TXNDC11: variants seen among roughly 807,000 people sequenced by gnomAD.
TXNDC11 encodes the protein thioredoxin domain containing 11.
TXNDC11 carries 68 observed loss-of-function variants against 78.0 expected under a neutral mutation model. That is an observed-to-expected ratio of 0.87 (90% CI 0.72 to 1.07). TXNDC11 has a LOEUF of 1.07. Ranked by LOEUF, TXNDC11 falls within the 50% of genes least tolerant of loss-of-function variation. The pLI is 0.00. For missense variants in TXNDC11, 1,389 were observed against 1,221.8 expected, an observed-to-expected ratio of 1.14 and a Z score of -2.04; for synonymous variants, 571 against 495.2, an observed-to-expected ratio of 1.15 and a Z score of -2.03.
intron 5 of TXNDC11, among the ~76,000 whole-genome samples, chr16:11,704,804 C>T (rs1331033301): frequency 6.6e-6 from 1 of 152,118 alleles, no homozygotes; most frequent in Non-Finnish European, 1.5e-5. Context: ...ATATGGGATC[C>T]CAGACTGGAT....
chr16:11,715,517 A>G (rs2051503966), intron 5 of TXNDC11, among the ~76,000 whole-genome samples: 1 of 151,728 alleles, frequency 6.6e-6, no homozygotes, highest in Admixed American at 6.6e-5. Context: ...ACTATGGTCT[A>G]TTGAGCCTGA....
intron 3 of TXNDC11, among the ~76,000 whole-genome samples, chr16:11,731,213 C>G (rs2052034977): frequency 6.6e-6 from 1 of 152,152 alleles, no homozygotes; most frequent in African/African-American, 2.4e-5. Flanking sequence ...AGGTAAGGGA[C>G]AGGTTGAACA....
chr16:11,725,058 T>C (rs1218375762), intron 4 of TXNDC11, among the ~76,000 whole-genome samples: 1 of 152,308 alleles, frequency 6.6e-6, no homozygotes, highest in Admixed American at 6.5e-5. Context: ...TTTCTTAACA[T>C]GGTTTGCAAG....
chr16:11,740,931 G>A (rs61703242), intron 1 of TXNDC11, among the ~76,000 whole-genome samples: 5,916 of 152,202 alleles, frequency 0.039, 383 homozygotes, highest in African/African-American at 0.13. Context: ...AGGCAATTTT[G>A]CTCCCAGGGG....
At chr16:11,687,100 T>C (rs939997672) in intron 10 of TXNDC11, among the ~76,000 whole-genome samples, 2 of 152,248 alleles carry the variant, frequency 1.3e-5, no homozygotes, top group African/African-American at 2.4e-5. Context: ...TCCCCCTTTT[T>C]GTCTGCTTTC....
Position 11,742,804 on chromosome 16 carries a change from C to A in TXNDC11, c.-74G>T. The stretch of plus-strand genomic sequence containing the variant: ...CGAAGGCCCGGCCCGGCCCGTTGCT[C>A]CCCAATCCCGCAGCTCGCCGCACCC... On this transcript the variant is annotated 5_prime_UTR_variant, in exon 1 of 12. Transcript: ENST00000283033. The A allele has an allele frequency of 5.1e-6, 7 of 1,383,990 alleles. No homozygotes were observed. Among genetic ancestry groups the A allele is most frequent in the South Asian group, 1.8e-5 (1 of 56,576 alleles). The allele number at this position is 1,383,990 out of a possible 1,614,324, so 85.7% of individuals were successfully genotyped here. A position where few individuals can be genotyped will look rare whatever the true frequency, so the allele number is the denominator to read the frequency against.
chr16:11,727,172 A>G (rs1484834824), intron 4 of TXNDC11, among the ~76,000 whole-genome samples: 1 of 152,200 alleles, frequency 6.6e-6, no homozygotes, highest in South Asian at 2.1e-4. Context: ...TATCTAGATT[A>G]GAGACAAATT....
chr16:11,721,514 T>C, intron 5 of TXNDC11, 63 bp downstream of exon 5: 2 of 844,936 alleles, frequency 2.4e-6, no homozygotes, highest in Non-Finnish European at 3.9e-6. Flanking sequence ...TAATAACACA[T>C]GGAAAAGATG....
chr16:11,725,909 T>C (rs1321769660), intron 4 of TXNDC11, among the ~76,000 whole-genome samples: 1 of 152,158 alleles, frequency 6.6e-6, no homozygotes, highest in East Asian at 1.9e-4. Context: ...GGAGTCTCAC[T>C]CTGTTGCCCA....
At chr16:11,712,010 T>C (rs17674570) in intron 5 of TXNDC11, among the ~76,000 whole-genome samples, 10,442 of 152,220 alleles carry the variant, frequency 0.069, 484 homozygotes, top group South Asian at 0.18. Context: ...GTTTGTGACT[T>C]TATTATGTCC....
rs1372514501 is a variant in TXNDC11, at chr16:11,698,187, GTCCTT to G, written c.1040_1044del (p.Lys347ThrfsTer10). The G allele has an allele frequency of 6.2e-7, 1 of 1,614,110 alleles. No individual in the cohort carries two copies. The highest frequency in any genetic ancestry group is 1.7e-5 in the Admixed American group (1 of 60,014). ...AAAGGTATGAACAGAAACAGCGCTG[GTCCTT>G]TCTTCAGCTCGTTATTCAGCAGGAG... is the stretch of plus-strand genomic sequence containing the variant. On this transcript the variant is annotated frameshift_variant, in exon 7 of 12. Transcript: ENST00000283033. LOFTEE classifies it high-confidence loss of function.
chr16:11,719,658 AGACT>A (rs1204177419), intron 5 of TXNDC11, among the ~76,000 whole-genome samples: 5 of 152,210 alleles, frequency 3.3e-5, no homozygotes, highest in Admixed American at 2.0e-4. Flanking sequence ...TGCTTGGCAA[AGACT>A]GACTGAGACC....
At chr16:11,700,759 G>C (rs1418882661) in intron 5 of TXNDC11, among the ~76,000 whole-genome samples, 195 bp from the exon 6 acceptor site, 3 of 152,180 alleles carry the variant, frequency 2.0e-5, no homozygotes, top group Admixed American at 2.0e-4. Context: ...TGTCAAGCCT[G>C]CTTCTGAGAG....
chr16:11,683,963 C>A (rs2050499753), intron 11 of TXNDC11, among the ~76,000 whole-genome samples: 1 of 152,098 alleles, frequency 6.6e-6, no homozygotes, highest in South Asian at 2.1e-4. Context: ...GTCGGCCAGG[C>A]TGGTCTCAAC....
intron 5 of TXNDC11, among the ~76,000 whole-genome samples, chr16:11,704,351 A>AC (rs2051116930): frequency 6.6e-6 from 1 of 152,252 alleles, no homozygotes; most frequent in African/African-American, 2.4e-5. Flanking sequence ...CCATTTGAAC[A>AC]CCAGAGTAAT....
rs766654490 is a variant in TXNDC11 at position 11,691,896 on chromosome 16, A to G, written c.1294T>C (p.Trp432Arg). The G allele has an allele frequency of 6.2e-6, 10 of 1,614,142 alleles. No individual in the cohort carries two copies. The highest frequency in any genetic ancestry group is 8.5e-6 in the Non-Finnish European group (10 of 1,179,962). The change falls in exon 8 of 12, where the codon TGG (tryptophan) becomes CGG (arginine). Residue 432 changes from tryptophan to arginine, a missense_variant. Transcript: ENST00000283033. ...PCCNTVVLPQ[W>R]HSFSRTHNVC... The stretch of plus-strand genomic sequence containing the variant: ...TTGTGGGTCCTGGAGAAGGAGTGCC[A>G]CTGGGGCAGCACCACAGTGTTGCAG...
intron 1 of TXNDC11, among the ~76,000 whole-genome samples, chr16:11,739,285 G>C (rs938810203): frequency 2.6e-5 from 4 of 152,196 alleles, no homozygotes; most frequent in African/African-American, 4.8e-5. Context: ...ACGCTTTAGA[G>C]AAACTATACA....
chr16:11,692,301 C>T, intron 7 of TXNDC11: 1 of 490,208 alleles, frequency 2.0e-6, no homozygotes, highest in Non-Finnish European at 3.6e-6. Context: ...AACTGCGAGC[C>T]ATCCCTTTGT....
At chr16:11,693,578 A>G (rs1050338661) in intron 7 of TXNDC11, among the ~76,000 whole-genome samples, 2 of 152,248 alleles carry the variant, frequency 1.3e-5, no homozygotes, top group Non-Finnish European at 2.9e-5. Context: ...CGTAATATTT[A>G]TAGTTAATTC....
Sources: gnomAD v4.1 joint callset for allele counts (sites outside exome capture counted in the v4.1 genomes callset) on GRCh38, gnomAD v4.1.1 for gene constraint, MANE v1.5 for transcripts, NCBI Gene and HGNC (gene_info 2026-07-23, HGNC 2026-07-21) for gene names.